SEMA4G: variants seen among roughly 807,000 people sequenced by gnomAD.
SEMA4G encodes semaphorin-4G.
SEMA4G carries 59 observed loss-of-function variants against 81.2 expected under a neutral mutation model. The ratio of observed to expected loss-of-function variants is 0.73; its 90% confidence interval spans 0.59 to 0.90. The LOEUF is 0.90. SEMA4G is among the 40% of genes least tolerant of loss of function. The pLI, the probability that SEMA4G is intolerant of heterozygous loss-of-function variation, is 0.00. For missense variants in SEMA4G, 952 were observed against 1,102.3 expected (o/e 0.86, Z 1.93); for synonymous variants, 404 against 433.9 (o/e 0.93, Z 0.86).
intron 8 of SEMA4G, 37 bp from the exon 10 acceptor site, chr10:100,979,811 A>T (rs367699832): frequency 1.4e-5 from 23 of 1,608,832 alleles, no homozygotes; most frequent in Non-Finnish European, 1.9e-5. Context: ...GCTTGACTCC[A>T]TGTAACTCAC....
rs200202967 is a variant in SEMA4G, at chr10:100,979,103, G to A, written c.815G>A (p.Gly272Glu). Residue 272 changes from glycine to glutamate, a missense_variant and splice_region_variant, in exon 8 of 14, where the codon GGA (glycine) becomes GAA (glutamate). By Grantham distance (98) the Gly-to-Glu change is moderately conservative (BLOSUM62 -2). Coordinates refer to ENST00000370250, the Ensembl canonical transcript of SEMA4G. ...TATCCCGTGCCTCTACCTCCCCAGGGAGACCTGGGAGGGAAGAAGATCCTG... is the reference window on the plus strand; with the variant it reads ...TATCCCGTGCCTCTACCTCCCCAGGAAGACCTGGGAGGGAAGAAGATCCTG... 128 of 1,613,922 alleles carry A rather than the reference G, an allele frequency of 7.9e-5. No homozygotes were observed. The Middle Eastern group carries it at 8.2e-4, about 10-fold the overall frequency.
intron 13 of SEMA4G, chr10:100,981,541 T>C (rs1162658229): frequency 6.2e-7 from 1 of 1,614,042 alleles, no homozygotes; most frequent in South Asian, 1.1e-5. Flanking sequence ...ACTGAACTGA[T>C]ATCTGAAGAA....
chr10:100,970,017 C>A, upstream of SEMA4G: 3 of 411,290 alleles, frequency 7.3e-6, no homozygotes, highest in South Asian at 4.9e-5. Context: ...CAGGAGAGAC[C>A]GCCATCCTAC....
chr10:100,985,109 G>A (rs1401448436), downstream of SEMA4G: 10 of 487,956 alleles, frequency 2.0e-5, no homozygotes, highest in Non-Finnish European at 3.2e-5. Flanking sequence ...GACCAACACT[G>A]CACTCAATGA....
Position 100,973,651 on chromosome 10 carries a change from T to G in SEMA4G, c.336+42T>G. 1.3e-6 allele frequency: 2 copies of G among 1,578,002 alleles called. No individual in the cohort carries two copies. Among genetic ancestry groups the G allele is most frequent in the Non-Finnish European group, 1.7e-6 (2 of 1,149,076 alleles). ...GTCCCCAGCTCCTTTCCTCCCCTTC[T>G]TCCTCAATCAGGGATGCCAGGATTG... On this transcript the variant is annotated intron_variant, in intron 3 of 13. Coordinates refer to ENST00000370250, the Ensembl canonical transcript of SEMA4G. The surrounding 1 kb of genome is among the most constrained non-coding windows in gnomAD (Gnocchi z 5.5).
In SEMA4G at chr10:100,974,334, G is replaced by A. The variant is rs143223062; in HGVS notation, c.336+725G>A. ...ACAAAAATTAGCCAAGTATGCTGGC[G>A]TGCACCTGTAGTCCCAGCTACTTGG... On this transcript the variant is annotated intron_variant, in intron 3 of 13. Coordinates refer to ENST00000370250, the Ensembl canonical transcript of SEMA4G. Among the ~76,000 whole-genome samples the A allele has an allele frequency of 2.5e-3, 383 of 152,046 alleles. 1 individual carries two copies. Among genetic ancestry groups the A allele is most frequent in the African/African-American group, 8.8e-3 (366 of 41,480 alleles).
exon 14 of SEMA4G, chr10:100,983,463 C>A: frequency 6.2e-7 from 1 of 1,614,166 alleles, no homozygotes; most frequent in East Asian, 2.2e-5. Context: ...CGTGGACGGG[C>A]TGCTGGTTAC....
chr10:100,975,500 T>C (rs532523241), intron 3 of SEMA4G, among the ~76,000 whole-genome samples: 2 of 152,358 alleles, frequency 1.3e-5, no homozygotes, highest in Non-Finnish European at 2.9e-5. Context: ...CCAGTAAAGA[T>C]AGGTTTCACC....
At chr10:100,985,170 C>T (rs1851377286), downstream of SEMA4G, 1 of 372,828 alleles carries the variant, frequency 2.7e-6, no homozygotes, top group African/African-American at 2.1e-5. Flanking sequence ...TAGACTACAG[C>T]AGGGAAAGGG....
chr10:100,981,566 T>G, intron 13 of SEMA4G: 1 of 1,613,234 alleles, frequency 6.2e-7, no homozygotes. Context: ...CAAAAGTTAA[T>G]CATCACAGCT....
chr10:100,973,729 A>G lies in SEMA4G; in HGVS notation c.336+120A>G. The G allele has an allele frequency of 3.4e-6, 3 of 882,174 alleles. No homozygotes were observed. Among genetic ancestry groups the G allele is most frequent in the Non-Finnish European group, 1.8e-6 (1 of 567,062 alleles). The allele number at this position is 882,174 out of a possible 1,614,324, so 54.6% of individuals were successfully genotyped here. ...CCTGCCAGTCAATCTCAGCAACCACAGTAAACATTGTAAGTATTGCCAGAG... is the reference window on the plus strand; with the variant it reads ...CCTGCCAGTCAATCTCAGCAACCACGGTAAACATTGTAAGTATTGCCAGAG... On this transcript the variant is annotated intron_variant, in intron 3 of 13. Coordinates refer to ENST00000370250, the Ensembl canonical transcript of SEMA4G. The surrounding 1 kb of genome is among the most constrained non-coding windows in gnomAD (Gnocchi z 5.5).
chr10:100,978,151 C>A, intron 4 of SEMA4G, 144 bp from the exon 6 acceptor site: 1 of 623,880 alleles, frequency 1.6e-6, no homozygotes, highest in Non-Finnish European at 2.9e-6. Flanking sequence ...TCAGGGGATG[C>A]TTAAGTTATT....
chr10:100,978,649 G>T lies in SEMA4G; in HGVS notation c.643+9G>T, dbSNP rs747495170. On this transcript the variant is annotated intron_variant, in intron 6 of 13. Transcript: ENST00000370250. ...AATGCATTGGCTCAATGGTTAGGAGGATGAGGCACAGGATGATGGGGGGTA... is the reference window on the plus strand; with the variant it reads ...AATGCATTGGCTCAATGGTTAGGAGTATGAGGCACAGGATGATGGGGGGTA... The T allele has an allele frequency of 3.7e-6, 6 of 1,610,796 alleles. No individual in the cohort carries two copies. In the African/African-American group the frequency reaches 6.7e-5, roughly 18 times the overall value.
chr10:100,974,759 G>A (rs1277581360), intron 3 of SEMA4G, among the ~76,000 whole-genome samples: 2 of 152,148 alleles, frequency 1.3e-5, no homozygotes, highest in African/African-American at 2.4e-5. Context: ...AGAATAGGGT[G>A]TCTCCAGGGG....
chr10:100,978,693 T>G, intron 6 of SEMA4G, 53 bp downstream of exon 7: 1 of 1,581,622 alleles, frequency 6.3e-7, no homozygotes. Context: ...TTTCTTCATT[T>G]TTACTCCCTT....
chr10:100,977,761 G>A (rs763397815), intron 4 of SEMA4G, 31 bp downstream of exon 5: 4 of 1,537,738 alleles, frequency 2.6e-6, no homozygotes, highest in Non-Finnish European at 2.7e-6. Context: ...CCAGATCTCT[G>A]TTGACTTCAT....
In SEMA4G at chr10:100,979,211, T is replaced by C. The variant is rs774536639; in HGVS notation, c.923T>C (p.Leu308Pro). 3 of 1,614,202 alleles carry C rather than the reference T, an allele frequency of 1.9e-6. No homozygotes were observed. The highest frequency in any genetic ancestry group is 2.5e-6 in the Non-Finnish European group (3 of 1,180,034). ...GAGACACTGCGTGGGGTCTGCAGCC[T>C]GGATGCTGAAACCTCAAGCCGTACA... Residue 308 changes from leucine (L) to proline (P), a missense_variant, in exon 8 of 14, where the codon CTG becomes CCG. Physicochemically the swap from Leu to Pro is moderately conservative, Grantham distance 98. Transcript: ENST00000370250.
Position 100,980,887 on chromosome 10 carries a change from C to A in SEMA4G, c.1533C>A (p.Tyr511Ter). Residue 511 changes from tyrosine to a stop codon, truncating the protein, a stop_gained, in exon 12 of 14, where the codon TAC (tyrosine) becomes TAA (stop). Transcript: ENST00000370250. LOFTEE classifies it high-confidence loss of function. ...TACCACTCTCCAGCTGCTCCCGCTA[C>A]CGATCCTGCTATGACTGCATCTTGG... 1 of 1,610,900 alleles carries A rather than the reference C, an allele frequency of 6.2e-7. No individual in the cohort carries two copies. Among genetic ancestry groups the A allele is most frequent in the Non-Finnish European group, 8.5e-7 (1 of 1,178,790 alleles).
chr10:100,978,023 T>A, intron 4 of SEMA4G: 1 of 571,794 alleles, frequency 1.7e-6, no homozygotes, highest in South Asian at 2.1e-5. Context: ...CAGCATGTGT[T>A]CCACAGGATG....
Sources: gnomAD v4.1 joint callset for allele counts (sites outside exome capture counted in the v4.1 genomes callset) on GRCh38, gnomAD v4.1.1 for gene constraint, Gnocchi (gnomAD v3.1) non-coding constraint, MANE v1.5 for transcripts, NCBI Gene and HGNC (gene_info 2026-07-23, HGNC 2026-07-21) for gene names.